The following PRKG1 variants were observed in gnomAD, a reference collection of about 807,000 sequenced individuals.
PRKG1 encodes protein kinase cGMP-dependent 1.
PRKG1 carries 35 observed loss-of-function variants against 88.1 expected under a neutral mutation model. The ratio of observed to expected loss-of-function variants is 0.40; its 90% CI spans 0.30 to 0.53. The LOEUF is 0.53. Among genes scored for constraint, PRKG1 ranks in the 20% least tolerant of loss-of-function variants. The probability of loss-of-function intolerance (pLI) is 0.59; values close to 1 mark genes in which losing one functional copy is unlikely to be tolerated. For missense variants in PRKG1, 540 were observed against 839.8 expected (o/e 0.64, Z 4.41); for synonymous variants, 303 against 292.5 (o/e 1.04, Z -0.37).
At chr10:52,012,276 G>C (rs10740407) in intron 5 of PRKG1, among the ~76,000 whole-genome samples, 148,412 of 149,116 alleles carry the variant, frequency 1, 73,859 homozygotes, top group Middle Eastern at 1. Flanking sequence ...GGGTCTGACT[G>C]TAGTGCCCAG....
At chr10:51,146,217 C>G (rs1845945424) in intron 1 of PRKG1, among the ~76,000 whole-genome samples, 1 of 151,634 alleles carries the variant, frequency 6.6e-6, no homozygotes, top group Non-Finnish European at 1.5e-5. Flanking sequence ...AATGTAGTCC[C>G]TTTTCTCTGC....
chr10:51,229,571 C>T (rs1272575845), intron 2 of PRKG1, among the ~76,000 whole-genome samples: 1 of 152,110 alleles, frequency 6.6e-6, no homozygotes, highest in African/African-American at 2.4e-5. Flanking sequence ...TGAAATGTAT[C>T]TTAGTCTCTC....
intron 2 of PRKG1, among the ~76,000 whole-genome samples, chr10:51,275,802 G>C (rs1840100320): frequency 6.6e-6 from 1 of 152,044 alleles, no homozygotes; most frequent in African/African-American, 2.4e-5. Context: ...CTCTATCTTG[G>C]GTTGACTGGG....
intron 5 of PRKG1, among the ~76,000 whole-genome samples, chr10:51,914,724 G>C (rs778551340): frequency 6.6e-6 from 1 of 152,152 alleles, no homozygotes; most frequent in Non-Finnish European, 1.5e-5. Flanking sequence ...AATTTTGCAT[G>C]ATTGGATCTT....
Position 51,636,464 on chromosome 10 carries a change from C to T in PRKG1, c.593-168121C>T, listed in dbSNP as rs566850083. Among the ~76,000 whole-genome samples the T allele has an allele frequency of 1.3e-3, 194 of 152,300 alleles. 1 individual carries two copies. The highest frequency in any genetic ancestry group is 6.8e-3 in the Middle Eastern group (2 of 294). On this transcript the variant is annotated intron_variant, in intron 3 of 17. Coordinates refer to ENST00000373980, the MANE Select transcript of PRKG1 (RefSeq NM_006258.4). Reference sequence around the variant, plus strand: ...CTGGAATTGAGAGTGCAAGAGTAAGCTGACCGATATTAAACATCTCCATGA... The same window carrying T: ...CTGGAATTGAGAGTGCAAGAGTAAGTTGACCGATATTAAACATCTCCATGA...
intron 9 of PRKG1, among the ~76,000 whole-genome samples, chr10:52,203,344 T>A (rs1839726619): frequency 6.6e-6 from 1 of 152,250 alleles, no homozygotes; most frequent in Admixed American, 6.5e-5. Context: ...TTCTTAGTAT[T>A]GATTTCTATT....
At chr10:51,439,994 A>G (rs1418622777) in intron 2 of PRKG1, among the ~76,000 whole-genome samples, 1 of 151,944 alleles carries the variant, frequency 6.6e-6, no homozygotes, top group African/African-American at 2.4e-5. Flanking sequence ...TAAAGTAAAT[A>G]TTTAAGAATC....
At chr10:51,600,693 G>A (rs1463790279) in intron 3 of PRKG1, among the ~76,000 whole-genome samples, 1 of 151,838 alleles carries the variant, frequency 6.6e-6, no homozygotes, top group African/African-American at 2.4e-5. Context: ...AATTCAGTAG[G>A]TACTTTACAC....
At chr10:52,094,210 T>A (rs1159969936) in intron 7 of PRKG1, among the ~76,000 whole-genome samples, 1 of 152,164 alleles carries the variant, frequency 6.6e-6, no homozygotes, top group Non-Finnish European at 1.5e-5. Flanking sequence ...TTAGGCACAG[T>A]GAAGGATTTG....
At chr10:51,506,400 T>G in intron 3 of PRKG1, among the ~76,000 whole-genome samples, 1 of 152,088 alleles carries the variant, frequency 6.6e-6, no homozygotes, top group African/African-American at 2.4e-5. Context: ...TTTTGCAATC[T>G]ACTCATCTGA....
intron 2 of PRKG1, among the ~76,000 whole-genome samples, chr10:51,426,449 G>A (rs1330663044): frequency 1.3e-5 from 2 of 152,128 alleles, no homozygotes; most frequent in South Asian, 2.1e-4. Flanking sequence ...TTGACCCATC[G>A]TTGACTGTCT....
chr10:51,909,368 C>G (rs1055851975), intron 5 of PRKG1: 1 of 151,782 alleles, frequency 6.6e-6, no homozygotes, highest in African/African-American at 2.4e-5. Flanking sequence ...AAGGCAGAAC[C>G]CTGAAGGAGG....
At chr10:51,836,040 A>G (rs533963715) in intron 4 of PRKG1, among the ~76,000 whole-genome samples, 1 of 152,252 alleles carries the variant, frequency 6.6e-6, no homozygotes, top group African/African-American at 2.4e-5. Context: ...CTTTTAAGGA[A>G]TGTCTATAAA....
rs143522828 is a variant in PRKG1 at position 51,955,257 on chromosome 10, C to T, written c.762+47687C>T. 4.1e-3 allele frequency among the ~76,000 whole-genome samples: 622 copies of T among 152,150 alleles called. 6 individuals are homozygous for T. Among genetic ancestry groups the T allele is most frequent in the African/African-American group, 0.014 (590 of 41,502 alleles). On this transcript the variant is annotated intron_variant, in intron 5 of 17. Coordinates refer to ENST00000373980, the MANE Select transcript of PRKG1 (RefSeq NM_006258.4). ...GGCAACACTTTCCACGGGAGGAAAACCAGCAAACCTGCCCCATTCACCAAT... is the reference window on the plus strand; with the variant it reads ...GGCAACACTTTCCACGGGAGGAAAATCAGCAAACCTGCCCCATTCACCAAT...
At chr10:51,759,068 T>C (rs1837949927) in intron 3 of PRKG1, among the ~76,000 whole-genome samples, 1 of 152,218 alleles carries the variant, frequency 6.6e-6, no homozygotes, top group African/African-American at 2.4e-5. Context: ...GGTTTATATG[T>C]GCAACATTTT....
intron 4 of PRKG1, among the ~76,000 whole-genome samples, chr10:51,865,639 T>C (rs1840994840): frequency 6.6e-6 from 1 of 152,088 alleles, no homozygotes; most frequent in Non-Finnish European, 1.5e-5. Flanking sequence ...CATATATTTT[T>C]AATGGCATTA....
intron 2 of PRKG1, among the ~76,000 whole-genome samples, chr10:51,379,113 T>C (rs988150694): frequency 7.9e-5 from 12 of 152,316 alleles, no homozygotes; most frequent in Admixed American, 7.8e-4. Flanking sequence ...GTGTTTAATA[T>C]CCTTATTTAT....
rs985024986 is a variant in PRKG1, at chr10:51,949,362, C to T, written c.762+41792C>T. Reference sequence around the variant, plus strand: ...ACACAGTAGCTCACATCTATAATCCCGGCACTTTGGGAGGCCAAGGCAGGA... The same window carrying T: ...ACACAGTAGCTCACATCTATAATCCTGGCACTTTGGGAGGCCAAGGCAGGA... On this transcript the variant is annotated intron_variant, in intron 5 of 17. Coordinates refer to ENST00000373980, the MANE Select transcript of PRKG1 (RefSeq NM_006258.4). 4.6e-5 allele frequency among the ~76,000 whole-genome samples: 7 copies of T among 152,086 alleles called. No homozygotes were observed. In the East Asian group the frequency reaches 5.8e-4, roughly 13 times the overall value.
At chr10:51,172,102 T>A (rs909302499) in intron 2 of PRKG1, among the ~76,000 whole-genome samples, 3 of 152,076 alleles carry the variant, frequency 2.0e-5, no homozygotes, top group African/African-American at 7.2e-5. Flanking sequence ...GGTATTTACC[T>A]AACACATTTG....
Sources: allele counts gnomAD v4.1 joint callset (sites outside exome capture counted in the v4.1 genomes callset), GRCh38; gene constraint gnomAD v4.1.1; transcripts MANE v1.5; gene names NCBI Gene and HGNC (gene_info 2026-07-23, HGNC 2026-07-21).